C12orf42: variants seen among roughly 807,000 people sequenced by gnomAD.
The protein encoded by C12orf42 is uncharacterized protein C12orf42.
C12orf42 carries 25 observed loss-of-function variants against 21.6 expected under a neutral mutation model. The observed-to-expected ratio is 1.16, with a 90% confidence interval of 0.84 to 1.62. The LOEUF (loss-of-function observed/expected upper bound fraction) is 1.62. Ranked by LOEUF, C12orf42 falls within the 40% of genes most tolerant of loss-of-function variation. The pLI, the probability that C12orf42 is intolerant of heterozygous loss-of-function variation, is 0.00. For synonymous variants in C12orf42, 174 were observed against 175.0 expected, an observed-to-expected ratio of 0.99 and a Z score of 0.05; for missense variants, 483 against 459.3, an observed-to-expected ratio of 1.05 and a Z score of -0.47.
At chr12:103,510,567 C>G in the C12orf42 span, among the ~76,000 whole-genome samples, 1 of 152,030 alleles carries the variant, frequency 6.6e-6, no homozygotes, top group Admixed American at 6.6e-5. Context: ...TTTCTAAATC[C>G]TCTTTCAGAC....
chr12:103,519,270 C>A, the C12orf42 span, among the ~76,000 whole-genome samples: 2 of 152,068 alleles, frequency 1.3e-5, no homozygotes, highest in African/African-American at 4.8e-5. Context: ...CAATCTCGAG[C>A]AGTTCTTTAT....
chr12:103,135,108 A>G, the C12orf42 span, among the ~76,000 whole-genome samples: 11 of 152,222 alleles, frequency 7.2e-5, no homozygotes, highest in Non-Finnish European at 1.5e-4. Context: ...AATACGTATC[A>G]TCATGAAAAC....
the C12orf42 span, among the ~76,000 whole-genome samples, chr12:103,514,471 C>T: frequency 6.6e-6 from 1 of 152,102 alleles, no homozygotes; most frequent in Non-Finnish European, 1.5e-5. Flanking sequence ...GTGTGCAGGG[C>T]AGGGCCTAGG....
intron 1 of C12orf42, among the ~76,000 whole-genome samples, 177 bp from the exon 2 acceptor site, chr12:103,478,624 A>G (rs1467010436): frequency 7.5e-6 from 1 of 133,148 alleles, no homozygotes; most frequent in Non-Finnish European, 1.6e-5. Context: ...GGGTCACATT[A>G]TGTTGCCCAG....
At chr12:103,458,569 A>G (rs749634083) in intron 2 of C12orf42, among the ~76,000 whole-genome samples, 2 of 152,166 alleles carry the variant, frequency 1.3e-5, no homozygotes, top group Non-Finnish European at 2.9e-5. Flanking sequence ...GTGAAATCCC[A>G]TATGGAAAAC....
At position 103,318,897 on chromosome 12, in the gene C12orf42, T is replaced by C. The variant is rs115922870; in HGVS notation, c.260-12552A>G. ...TCGTGCTAAAACTCTGGTGAAGCAG[T>C]ATTTTGCATGCAATTAAGTACTTGA... On this transcript the variant is annotated intron_variant, in intron 4 of 5. Coordinates refer to ENST00000548883, the MANE Select transcript of C12orf42 (RefSeq NM_198521.5). 4.2e-3 allele frequency among the ~76,000 whole-genome samples: 639 copies of C among 152,338 alleles called. 4 individuals are homozygous for C. Among genetic ancestry groups the C allele is most frequent in the African/African-American group, 0.014 (602 of 41,582 alleles).
At position 103,294,610 on chromosome 12, in the gene C12orf42, AAGAAAGAAAGAAAG is replaced by A. The variant is rs1378285145; in HGVS notation, n.338-17414_338-17401del. Among the ~76,000 whole-genome samples, 289 of 146,728 alleles carry A rather than the reference AAGAAAGAAAGAAAG, an allele frequency of 2.0e-3. 1 individual carries two copies. The highest frequency in any genetic ancestry group is 7.2e-3 in the African/African-American group (274 of 37,884). ...AAAGAAAGAAAGAAAGAAAGAAAGA[AAGAAAGAAAGAAAG>A]AAAGAAAGAAAGAAGGAAAAGAAAG... On this transcript the variant is annotated intron_variant and non_coding_transcript_variant, in intron 4 of 6. Transcript: ENST00000546526.
At chr12:103,537,574 G>T in the C12orf42 span, among the ~76,000 whole-genome samples, 32,262 of 152,016 alleles carry the variant, frequency 0.21, 3,750 homozygotes, top group East Asian at 0.41. Flanking sequence ...CTATATAGAA[G>T]TGCTGAGAAG....
At chr12:103,115,874 G>T in the C12orf42 span, among the ~76,000 whole-genome samples, 1 of 152,206 alleles carries the variant, frequency 6.6e-6, no homozygotes, top group African/African-American at 2.4e-5. Flanking sequence ...TAGATCATCT[G>T]CACAGTAGCA....
chr12:103,382,347 T>C (rs1415251868), intron 3 of C12orf42, among the ~76,000 whole-genome samples: 2 of 152,208 alleles, frequency 1.3e-5, no homozygotes, highest in African/African-American at 4.8e-5. Context: ...GTTAGATTAT[T>C]AGGACTTTGG....
intron 4 of C12orf42, among the ~76,000 whole-genome samples, chr12:103,287,933 C>T (rs977282938): frequency 1.3e-5 from 2 of 152,142 alleles, no homozygotes; most frequent in African/African-American, 4.8e-5. Flanking sequence ...AATGATGTCC[C>T]TGCTTTCTAA....
the C12orf42 span, among the ~76,000 whole-genome samples, chr12:103,221,701 C>A: frequency 6.6e-6 from 1 of 152,174 alleles, no homozygotes; most frequent in African/African-American, 2.4e-5. Flanking sequence ...TCTAGCACTA[C>A]CTCATTTTAT....
chr12:103,434,810 A>G (rs941769432), intron 2 of C12orf42, among the ~76,000 whole-genome samples: 2 of 152,206 alleles, frequency 1.3e-5, no homozygotes, highest in African/African-American at 4.8e-5. Context: ...GCAAGGCGGC[A>G]GCGAGGCTGG....
the C12orf42 span, among the ~76,000 whole-genome samples, chr12:103,063,903 T>G: frequency 6.6e-6 from 1 of 152,206 alleles, no homozygotes; most frequent in African/African-American, 2.4e-5. Flanking sequence ...TGTGTTAATT[T>G]GGGTCCACTA....
chr12:103,258,675 T>C (rs1424482487), intron 10 of C12orf42, among the ~76,000 whole-genome samples: 2 of 152,050 alleles, frequency 1.3e-5, no homozygotes, highest in Non-Finnish European at 2.9e-5. Context: ...AAAAACCTTG[T>C]CTCTATATAT....
intron 4 of C12orf42, among the ~76,000 whole-genome samples, chr12:103,331,727 G>A (rs1005619911): frequency 2.0e-5 from 3 of 152,152 alleles, no homozygotes; most frequent in Non-Finnish European, 2.9e-5. Flanking sequence ...CTGAGACCAC[G>A]CAGCGCGGCA....
the C12orf42 span, among the ~76,000 whole-genome samples, chr12:103,192,869 AAACTAC>A: frequency 7.6e-6 from 1 of 131,326 alleles, no homozygotes; most frequent in South Asian, 2.7e-4. Context: ...AGGCTGACTT[AAACTAC>A]ACTGTAGAGC....
chr12:103,048,329 A>G, the C12orf42 span, among the ~76,000 whole-genome samples: 71 of 152,338 alleles, frequency 4.7e-4, no homozygotes, highest in African/African-American at 1.7e-3. Flanking sequence ...TTCTTCACCT[A>G]TAAAATAGGA....
chr12:103,376,428 G>A (rs1413953405), intron 3 of C12orf42, among the ~76,000 whole-genome samples: 2 of 152,122 alleles, frequency 1.3e-5, no homozygotes, highest in Non-Finnish European at 2.9e-5. Context: ...CAAGGGGAAA[G>A]AGAGCATTAG....
Sources: gnomAD v4.1 joint callset for allele counts (sites outside exome capture counted in the v4.1 genomes callset) on GRCh38, gnomAD v4.1.1 for gene constraint, MANE v1.5 for transcripts, NCBI Gene and HGNC (gene_info 2026-07-23, HGNC 2026-07-21) for gene names.